The following WWP1 variants were observed in gnomAD, a reference collection of about 807,000 sequenced individuals.
WWP1 encodes the protein WW domain containing E3 ubiquitin protein ligase 1, also known as NEDD4-like E3 ubiquitin-protein ligase WWP1.
WWP1 carries 49 observed loss-of-function variants against 130.6 expected under a neutral mutation model. That is an observed-to-expected ratio of 0.38 (90% CI 0.30 to 0.48). The LOEUF (loss-of-function observed/expected upper bound fraction) is 0.48, where lower values mean the gene tolerates loss of function less well. Ranked by LOEUF, WWP1 falls within the 20% of genes least tolerant of loss-of-function variation. The pLI is 0.99. For synonymous variants in WWP1, 332 were observed against 367.8 expected (o/e 0.90, Z 1.11); for missense variants, 809 against 1,100.6 (o/e 0.74, Z 3.75).
At chr8:86,421,749 G>A (rs1402855635) in intron 9 of WWP1, among the ~76,000 whole-genome samples, 11 of 152,110 alleles carry the variant, frequency 7.2e-5, no homozygotes, top group African/African-American at 1.9e-4. Flanking sequence ...GTGTGAACCC[G>A]GGAGGCGGAG....
Position 86,452,652 on chromosome 8 carries a change from A to G in WWP1, c.2367A>G (p.Leu789=). Residue 789 remains leucine (L), a synonymous_variant, in exon 21 of 25, where the codon CTA becomes CTG. Coordinates refer to ENST00000517970, the MANE Select transcript of WWP1 (RefSeq NM_007013.4). ...ATGAAGTTGTTCCTCTTCAGTGGCT[A>G]CAGTACTTCGATGAAAAAGAATTAG... ...GFNEVVPLQW[L]QYFDEKELEV... is the part of the protein sequence containing the mutation. 6.2e-7 allele frequency: 1 copy of G among 1,613,436 alleles called. No homozygotes were observed. Among genetic ancestry groups the G allele is most frequent in the Non-Finnish European group, 8.5e-7 (1 of 1,179,586 alleles).
rs529549291 is a variant in WWP1, at chr8:86,407,152, C to T, written c.725-4386C>T. 2.6e-5 allele frequency among the ~76,000 whole-genome samples: 4 copies of T among 152,276 alleles called. No individual in the cohort carries two copies. In the South Asian group the frequency reaches 8.3e-4, roughly 32 times the overall value. On this transcript the variant is annotated intron_variant, in intron 8 of 24. Transcript: ENST00000517970. ...GAGATGAGATGGTTTGCATAAGCTT[C>T]TGCTATCATAACTATTACATAAGAT...
At chr8:86,353,143 A>G (rs1458360311) in intron 1 of WWP1, among the ~76,000 whole-genome samples, 1 of 152,168 alleles carries the variant, frequency 6.6e-6, no homozygotes, top group Non-Finnish European at 1.5e-5. Flanking sequence ...TGCTTAGGGT[A>G]AGGGCGTTGA....
intron 7 of WWP1, among the ~76,000 whole-genome samples, chr8:86,400,174 C>CA (rs908853349): frequency 4.6e-5 from 7 of 151,288 alleles, no homozygotes; most frequent in South Asian, 2.1e-4. Flanking sequence ...ACTAAAAATA[C>CA]AAAAAAAATG....
chr8:86,409,226 C>CTTTTTTTTT (rs1230976832), intron 8 of WWP1, among the ~76,000 whole-genome samples: 372 of 100,480 alleles, frequency 3.7e-3, no homozygotes, highest in Middle Eastern at 0.014. Flanking sequence ...CTTTTTCTTT[C>CTTTTTTTTT]TTTTTTTTTT....
In WWP1 at chr8:86,425,106, G is replaced by A. The variant is rs113712240; in HGVS notation, c.1062-117G>A. Reference sequence around the variant, plus strand: ...AGCCTTTATATATATAGCTGTGTGTGTGTATAGTCTTTTAATGTAAAGCTT... The same window carrying A: ...AGCCTTTATATATATAGCTGTGTGTATGTATAGTCTTTTAATGTAAAGCTT... On this transcript the variant is annotated intron_variant, in intron 9 of 24. Transcript: ENST00000517970. 517 of 648,124 alleles carry A rather than the reference G, an allele frequency of 8.0e-4. 9 individuals are homozygous for A. In the African/African-American group the frequency reaches 8.0e-3, roughly 10 times the overall value. 40.1% of individuals were successfully genotyped at this position (648,124 alleles called of 1,614,324 possible). A position where few individuals can be genotyped will look rare whatever the true frequency, so the allele number is the denominator to read the frequency against.
intron 16 of WWP1, among the ~76,000 whole-genome samples, chr8:86,436,047 G>C (rs1810272768): frequency 6.6e-6 from 1 of 152,104 alleles, no homozygotes; most frequent in Non-Finnish European, 1.5e-5. Flanking sequence ...CATATACTGA[G>C]TGATTATCAT....
At chr8:86,438,011 A>G (rs1206439111) in intron 16 of WWP1, among the ~76,000 whole-genome samples, 3 of 152,158 alleles carry the variant, frequency 2.0e-5, no homozygotes, top group Admixed American at 6.5e-5. Context: ...CATGTTAGCC[A>G]GGATGGTCTC....
intron 18 of WWP1, among the ~76,000 whole-genome samples, chr8:86,445,976 CTTTTTTTTTTTTTTTTT>C (rs56731329): frequency 1.2e-5 from 1 of 84,986 alleles, no homozygotes; most frequent in East Asian, 3.7e-4. Context: ...CTTTTCTTTT[CTTTTTTTTTTTTTTTTT>C]TTTTTGAGAC....
chr8:86,467,944 T>A lies in WWP1; in HGVS notation c.*1051T>A, dbSNP rs1812263344. 1 of 153,764 alleles carries A rather than the reference T, an allele frequency of 6.5e-6. No individual in the cohort carries two copies. Among genetic ancestry groups the A allele is most frequent in the African/African-American group, 2.4e-5 (1 of 41,486 alleles). 9.5% of individuals were successfully genotyped at this position (153,764 alleles called of 1,614,324 possible). On this transcript the variant is annotated 3_prime_UTR_variant, in exon 25 of 25. Coordinates refer to ENST00000517970, the MANE Select transcript of WWP1 (RefSeq NM_007013.4). ...TCTATTTAACTGAATTAAATAACCA[T>A]ATGAAAAATCTTTTGGGTCTCCCCC...
intron 11 of WWP1, among the ~76,000 whole-genome samples, chr8:86,429,613 A>C (rs1271411430): frequency 6.6e-6 from 1 of 152,236 alleles, no homozygotes; most frequent in African/African-American, 2.4e-5. Flanking sequence ...AAAGATACTA[A>C]TTAAAAGTTT....
At position 86,375,961 on chromosome 8, in the gene WWP1, A is replaced by G. The variant is rs1563477454; in HGVS notation, c.70+1841A>G. On this transcript the variant is annotated intron_variant, in intron 3 of 24. Transcript: ENST00000517970. Reference sequence around the variant, plus strand: ...GCTTTGGGATTGTTCATAATTAGACACTGAAGTGGTATCTTAGTGTTATTT... The same window carrying G: ...GCTTTGGGATTGTTCATAATTAGACGCTGAAGTGGTATCTTAGTGTTATTT... 2.0e-5 allele frequency among the ~76,000 whole-genome samples: 3 copies of G among 152,238 alleles called. No homozygotes were observed. In the South Asian group the frequency reaches 6.2e-4, roughly 31 times the overall value.
chr8:86,375,262 A>T (rs888330299), intron 3 of WWP1, among the ~76,000 whole-genome samples: 14 of 152,102 alleles, frequency 9.2e-5, no homozygotes, highest in African/African-American at 2.2e-4. Context: ...CTATTTGGTT[A>T]TATCACCAAA....
rs547577343 is a variant in WWP1 at position 86,411,520 on chromosome 8, T to C, written c.725-18T>C. On this transcript the variant is annotated intron_variant, in intron 8 of 24. Coordinates refer to ENST00000517970, the MANE Select transcript of WWP1 (RefSeq NM_007013.4). ...TATCATTACTTGATAGATGATTTTA[T>C]TAATTTTCCCTTCTCAGTTAATGGA... is the stretch of plus-strand genomic sequence containing the variant. 4 of 1,595,270 alleles carry C rather than the reference T, an allele frequency of 2.5e-6. No individual in the cohort carries two copies. The East Asian group carries it at 6.7e-5, about 27-fold the overall frequency.
rs145528161 is a variant in WWP1, at chr8:86,411,173, C to T, written c.725-365C>T. Reference sequence around the variant, plus strand: ...AGCTACCACTTACACAAGGGAAGGGCGATTGAAAGGGATCATTTTTCAGAG... The same window carrying T: ...AGCTACCACTTACACAAGGGAAGGGTGATTGAAAGGGATCATTTTTCAGAG... On this transcript the variant is annotated intron_variant, in intron 8 of 24. Coordinates refer to ENST00000517970, the MANE Select transcript of WWP1 (RefSeq NM_007013.4). Among the ~76,000 whole-genome samples, 49 of 152,204 alleles carry T rather than the reference C, an allele frequency of 3.2e-4. No homozygotes were observed. In the Middle Eastern group the frequency reaches 0.02, roughly 63 times the overall value.
chr8:86,377,395 G>GCTTTT (rs1389939120), intron 3 of WWP1, among the ~76,000 whole-genome samples: 2 of 151,780 alleles, frequency 1.3e-5, no homozygotes, highest in Admixed American at 6.6e-5. Context: ...CCACGCCCAG[G>GCTTTT]CTTTTCTTTT....
chr8:86,430,310 C>T (rs1226330841), intron 11 of WWP1, among the ~76,000 whole-genome samples: 1 of 152,058 alleles, frequency 6.6e-6, no homozygotes, highest in Non-Finnish European at 1.5e-5. Flanking sequence ...CAGCTTCTCG[C>T]TCTGTTGTGC....
intron 1 of WWP1, chr8:86,343,322 A>AC (rs1170739383): frequency 1.3e-5 from 2 of 152,080 alleles, no homozygotes; most frequent in Non-Finnish European, 2.9e-5. Context: ...CCTGACTTTC[A>AC]CCCCAATTTC....
chr8:86,397,460 G>A (rs1024506467), intron 5 of WWP1, among the ~76,000 whole-genome samples: 1 of 151,894 alleles, frequency 6.6e-6, no homozygotes, highest in East Asian at 1.9e-4. Context: ...TTTGTGATGA[G>A]AACATTTAGA....
Sources: allele counts gnomAD v4.1 joint callset (sites outside exome capture counted in the v4.1 genomes callset), GRCh38; gene constraint gnomAD v4.1.1; transcripts MANE v1.5; gene names NCBI Gene and HGNC (gene_info 2026-07-23, HGNC 2026-07-21).